The following LIN7A variants were observed in gnomAD, a reference collection of about 807,000 sequenced individuals.
The protein encoded by LIN7A is protein lin-7 homolog A.
Under a neutral mutation model 29.8 loss-of-function variants are expected in LIN7A, and 25 were observed. The observed-to-expected ratio is 0.84, with a 90% CI of 0.61 to 1.17. The LOEUF (loss-of-function observed/expected upper bound fraction) is 1.17, where lower values mean the gene tolerates loss of function less well. Ranked by LOEUF, LIN7A falls within the 50% of genes most tolerant of loss-of-function variation. LIN7A has a pLI of 0.00. For missense variants in LIN7A, 239 were observed against 287.0 expected, an observed-to-expected ratio of 0.83 and a Z score of 1.21; for synonymous variants, 118 against 107.5, an observed-to-expected ratio of 1.10 and a Z score of -0.60.
At chr12:80,863,114 G>A (rs1407433564) in intron 2 of LIN7A, among the ~76,000 whole-genome samples, 1 of 152,212 alleles carries the variant, frequency 6.6e-6, no homozygotes, top group African/African-American at 2.4e-5. Flanking sequence ...AGCCTAAGAT[G>A]GGCTTTAGCT....
chr12:80,816,276 T>A (rs189204290), intron 4 of LIN7A, among the ~76,000 whole-genome samples: 6 of 151,800 alleles, frequency 4.0e-5, no homozygotes, highest in African/African-American at 1.5e-4. Flanking sequence ...CTGGGGCGAG[T>A]GGCATGTGTC....
chr12:80,920,880 G>T (rs1877264792), intron 1 of LIN7A, among the ~76,000 whole-genome samples: 1 of 152,038 alleles, frequency 6.6e-6, no homozygotes, highest in African/African-American at 2.4e-5. Context: ...TGTAATATTG[G>T]CCAGATAATG....
chr12:80,846,783 A>G (rs1873097213), intron 3 of LIN7A, among the ~76,000 whole-genome samples: 1 of 152,216 alleles, frequency 6.6e-6, no homozygotes, highest in Admixed American at 6.5e-5. Flanking sequence ...GAGTTCAAGA[A>G]AACAACTTAC....
At chr12:80,844,249 A>G (rs1213392878) in intron 4 of LIN7A, among the ~76,000 whole-genome samples, 2 of 152,154 alleles carry the variant, frequency 1.3e-5, no homozygotes. Context: ...GTCAATAAAA[A>G]GCTTATCTCA....
intron 1 of LIN7A, among the ~76,000 whole-genome samples, chr12:80,901,291 G>T (rs189288964): frequency 6.6e-6 from 1 of 152,204 alleles, no homozygotes; most frequent in East Asian, 1.9e-4. Flanking sequence ...GCAGCTAGGT[G>T]AAAAAACAGA....
intron 2 of LIN7A, among the ~76,000 whole-genome samples, chr12:80,882,259 A>T (rs1274025434): frequency 6.7e-6 from 1 of 148,448 alleles, no homozygotes; most frequent in Non-Finnish European, 1.5e-5. Flanking sequence ...TCTGTGAGTA[A>T]TAACAGTACT....
intron 2 of LIN7A, among the ~76,000 whole-genome samples, chr12:80,870,844 A>G (rs1874393078): frequency 6.6e-6 from 1 of 152,166 alleles, no homozygotes; most frequent in Non-Finnish European, 1.5e-5. Context: ...TTGTTGTACT[A>G]TGGTAGGCAC....
intron 2 of LIN7A, among the ~76,000 whole-genome samples, chr12:80,849,197 C>A (rs1176868372): frequency 6.6e-6 from 1 of 152,114 alleles, no homozygotes; most frequent in African/African-American, 2.4e-5. Context: ...TATGGGAAAT[C>A]TGAATGGAGA....
intron 2 of LIN7A, among the ~76,000 whole-genome samples, chr12:80,878,774 C>T (rs1335653458): frequency 6.6e-6 from 1 of 152,100 alleles, no homozygotes; most frequent in Non-Finnish European, 1.5e-5. Context: ...TTTTACAAAC[C>T]TCTAGCCACA....
intron 5 of LIN7A, among the ~76,000 whole-genome samples, chr12:80,800,331 A>T (rs958108926): frequency 5.9e-5 from 9 of 151,886 alleles, no homozygotes; most frequent in Non-Finnish European, 1.5e-5. Context: ...CTCTACTAAA[A>T]ATACAAAATT....
chr12:80,883,845 T>C (rs1403533021), intron 2 of LIN7A, among the ~76,000 whole-genome samples: 1 of 152,226 alleles, frequency 6.6e-6, no homozygotes, highest in African/African-American at 2.4e-5. Flanking sequence ...CTGTCTCTGA[T>C]CTGACAGAAT....
At chr12:80,906,445 A>G (rs1373663263) in intron 1 of LIN7A, among the ~76,000 whole-genome samples, 1 of 150,770 alleles carries the variant, frequency 6.6e-6, no homozygotes, top group Admixed American at 6.6e-5. Flanking sequence ...TTGATCCAGG[A>G]CTCTCTTTCA....
chr12:80,857,190 C>A (rs1248544020), intron 2 of LIN7A, among the ~76,000 whole-genome samples: 5 of 152,206 alleles, frequency 3.3e-5, no homozygotes, highest in African/African-American at 9.6e-5. Flanking sequence ...TTATATTCCA[C>A]CTTCTAGGCC....
chr12:80,928,945 T>C (rs1413494008), intron 1 of LIN7A, among the ~76,000 whole-genome samples: 1 of 152,230 alleles, frequency 6.6e-6, no homozygotes, highest in African/African-American at 2.4e-5. Context: ...ACAGTTATTC[T>C]AATATCTTTT....
intron 4 of LIN7A, among the ~76,000 whole-genome samples, chr12:80,827,273 G>A (rs1245291892): frequency 6.6e-6 from 1 of 152,068 alleles, no homozygotes; most frequent in Non-Finnish European, 1.5e-5. Flanking sequence ...TGTAGTCCCA[G>A]CTACTCGGGA....
chr12:80,828,209 C>A (rs1371055753), intron 4 of LIN7A, among the ~76,000 whole-genome samples: 1 of 152,084 alleles, frequency 6.6e-6, no homozygotes, highest in Non-Finnish European at 1.5e-5. Context: ...ATCTTCCTAT[C>A]CTGGCTTGCA....
At chr12:80,863,077 T>C (rs1164685375) in intron 2 of LIN7A, among the ~76,000 whole-genome samples, 1 of 152,246 alleles carries the variant, frequency 6.6e-6, no homozygotes, top group East Asian at 1.9e-4. Flanking sequence ...GTCAAGACTA[T>C]AAAACAATCA....
At chr12:80,806,496 T>C (rs1870995643) in intron 5 of LIN7A, among the ~76,000 whole-genome samples, 1 of 152,240 alleles carries the variant, frequency 6.6e-6, no homozygotes, top group African/African-American at 2.4e-5. Flanking sequence ...TATTTACCAT[T>C]GCCAGGTGCT....
Position 80,913,243 on chromosome 12 carries a change from G to A in LIN7A, c.83-23874C>T, listed in dbSNP as rs551550747. On this transcript the variant is annotated intron_variant, in intron 1 of 5. Transcript: ENST00000552864. ...ACAGGTATTAAATAGATCTAATTATGCAAAGGATATAATACAACAAAGGAC... is the reference window on the plus strand; with the variant it reads ...ACAGGTATTAAATAGATCTAATTATACAAAGGATATAATACAACAAAGGAC... Among the ~76,000 whole-genome samples the A allele has an allele frequency of 2.0e-5, 3 of 152,296 alleles. No homozygotes were observed. In the East Asian group the frequency reaches 5.8e-4, roughly 29 times the overall value.
Sources: gnomAD v4.1 joint callset for allele counts (sites outside exome capture counted in the v4.1 genomes callset) on GRCh38, gnomAD v4.1.1 for gene constraint, MANE v1.5 for transcripts, NCBI Gene and HGNC (gene_info 2026-07-23, HGNC 2026-07-21) for gene names.